TBC1D22A: variants seen among roughly 807,000 people sequenced by gnomAD.
TBC1D22A encodes putative GTPase activator.
TBC1D22A carries 38 observed loss-of-function variants against 60.2 expected under a neutral mutation model. The observed-to-expected ratio is 0.63, with a 90% CI of 0.49 to 0.83. TBC1D22A has a LOEUF of 0.83. TBC1D22A is among the 40% of genes least tolerant of loss of function. TBC1D22A has a pLI of 0.00. For synonymous variants in TBC1D22A, 302 were observed against 281.7 expected (o/e 1.07, Z -0.72); for missense variants, 628 against 701.0 (o/e 0.90, Z 1.18).
intron 12 of TBC1D22A, among the ~76,000 whole-genome samples, chr22:47,127,121 C>T (rs1210515704): frequency 1.3e-5 from 2 of 152,132 alleles, no homozygotes; most frequent in Non-Finnish European, 2.9e-5. Flanking sequence ...AACACTCTTT[C>T]TCTCTTTGCA....
chr22:47,147,914 G>A (rs1364415672), intron 12 of TBC1D22A, among the ~76,000 whole-genome samples: 2 of 152,204 alleles, frequency 1.3e-5, no homozygotes, highest in East Asian at 3.9e-4. Flanking sequence ...CTGAGGGCTT[G>A]GCATGAAGCT....
intron 12 of TBC1D22A, among the ~76,000 whole-genome samples, chr22:47,171,580 C>T (rs929521237): frequency 2.6e-5 from 4 of 152,206 alleles, no homozygotes; most frequent in African/African-American, 9.6e-5. Flanking sequence ...CTTCTGAGAA[C>T]CCCCACTGCA....
chr22:47,098,826 A>C (rs368927647), intron 11 of TBC1D22A, among the ~76,000 whole-genome samples: 1 of 152,212 alleles, frequency 6.6e-6, no homozygotes, highest in African/African-American at 2.4e-5. Flanking sequence ...CATTAGTCGC[A>C]CAGTGTCTCT....
chr22:46,897,298 G>A (rs1426972898), intron 7 of TBC1D22A, among the ~76,000 whole-genome samples: 1 of 152,122 alleles, frequency 6.6e-6, no homozygotes, highest in Non-Finnish European at 1.5e-5. Context: ...GTTTCCCATC[G>A]GTTACTTAGT....
chr22:47,005,055 C>T (rs1438097081), intron 10 of TBC1D22A, among the ~76,000 whole-genome samples: 1 of 151,826 alleles, frequency 6.6e-6, no homozygotes, highest in Non-Finnish European at 1.5e-5. Context: ...CCACCATATA[C>T]ACACACCTGC....
At chr22:46,882,904 T>C (rs181875532) in intron 5 of TBC1D22A, among the ~76,000 whole-genome samples, 5 of 152,338 alleles carry the variant, frequency 3.3e-5, no homozygotes, top group East Asian at 3.9e-4. Flanking sequence ...TTATTTTTAA[T>C]TGATGAGTGG....
chr22:47,156,764 C>T (rs762575708), intron 12 of TBC1D22A, among the ~76,000 whole-genome samples: 2 of 152,160 alleles, frequency 1.3e-5, no homozygotes, highest in Admixed American at 6.5e-5. Flanking sequence ...CACTTGCCTG[C>T]GTAGCCATCC....
In TBC1D22A at chr22:46,913,639, G is replaced by C. The variant is rs1000406165; in HGVS notation, c.1015+1451G>C. The C allele has an allele frequency of 8.1e-6, 8 of 985,258 alleles. No homozygotes were observed. The Admixed American group carries it at 3.7e-4, about 45-fold the overall frequency. The allele number at this position is 985,258 out of a possible 1,614,324, so 61.0% of individuals were successfully genotyped here. ...CCCTCATTTGACAGATAATGAAAAT[G>C]CTCTTAATGATCCTAGAACAGTAGG... On this transcript the variant is annotated intron_variant, in intron 8 of 12. Transcript: ENST00000337137.
At chr22:47,042,453 G>A (rs1603133864) in intron 11 of TBC1D22A, among the ~76,000 whole-genome samples, 1 of 152,122 alleles carries the variant, frequency 6.6e-6, no homozygotes, top group East Asian at 1.9e-4. Context: ...GAATATGAAT[G>A]AATGAGAATG....
intron 10 of TBC1D22A, among the ~76,000 whole-genome samples, chr22:47,007,109 C>T (rs979533448): frequency 7.2e-5 from 11 of 152,128 alleles, no homozygotes; most frequent in South Asian, 6.2e-4. Flanking sequence ...GACAAAAAGG[C>T]GCTATCAGAA....
intron 4 of TBC1D22A, among the ~76,000 whole-genome samples, chr22:46,867,732 C>T (rs2067123044): frequency 6.6e-6 from 1 of 152,190 alleles, no homozygotes. Context: ...GTGCGACAGG[C>T]TTACTGAAGG....
Position 46,965,643 on chromosome 22 carries a change from T to G in TBC1D22A, c.1016-8647T>G, listed in dbSNP as rs370950195. On this transcript the variant is annotated intron_variant, in intron 8 of 12. Coordinates refer to ENST00000337137, the MANE Select transcript of TBC1D22A (RefSeq NM_014346.5). ...CAGTTTTATTGGTGAGCTTGGTGAA[T>G]CTTACTGAATTTATTTAGTAACTAA... Among the ~76,000 whole-genome samples, 75 of 152,342 alleles carry G rather than the reference T, an allele frequency of 4.9e-4. No individual in the cohort carries two copies. The East Asian group carries it at 9.8e-3, about 20-fold the overall frequency.
At chr22:47,160,047 G>A (rs1200314363) in intron 12 of TBC1D22A, among the ~76,000 whole-genome samples, 1 of 152,106 alleles carries the variant, frequency 6.6e-6, no homozygotes, top group Admixed American at 6.5e-5. Flanking sequence ...CACACACACA[G>A]GACTTGCATA....
intron 12 of TBC1D22A, among the ~76,000 whole-genome samples, chr22:47,122,309 G>A (rs1333900851): frequency 6.6e-6 from 1 of 152,228 alleles, no homozygotes; most frequent in Non-Finnish European, 1.5e-5. Flanking sequence ...TTCCCGAACT[G>A]CCCTGTACTG....
chr22:47,045,455 G>C (rs2063001859), intron 11 of TBC1D22A, among the ~76,000 whole-genome samples: 1 of 152,210 alleles, frequency 6.6e-6, no homozygotes, highest in Non-Finnish European at 1.5e-5. Context: ...TGGGTGACCA[G>C]TCTGAATAAA....
chr22:46,794,500 A>G (rs2084565488), intron 3 of TBC1D22A, among the ~76,000 whole-genome samples: 1 of 152,134 alleles, frequency 6.6e-6, no homozygotes, highest in African/African-American at 2.4e-5. Flanking sequence ...CACGTCTGTG[A>G]TGGAAAAGCT....
chr22:46,799,997 T>C (rs1456051655), intron 4 of TBC1D22A, among the ~76,000 whole-genome samples: 2 of 152,078 alleles, frequency 1.3e-5, no homozygotes, highest in Non-Finnish European at 2.9e-5. Flanking sequence ...ATTTCTACAG[T>C]GTATTTCTTT....
intron 11 of TBC1D22A, among the ~76,000 whole-genome samples, chr22:47,097,610 C>CAA (rs376444943): frequency 3.6e-5 from 5 of 140,162 alleles, no homozygotes; most frequent in Non-Finnish European, 7.8e-5. Flanking sequence ...GAGTCCATCT[C>CAA]AAAAAAAAAA....
chr22:47,129,251 G>A (rs574869519), intron 12 of TBC1D22A, among the ~76,000 whole-genome samples: 9 of 152,334 alleles, frequency 5.9e-5, no homozygotes, highest in African/African-American at 1.7e-4. Flanking sequence ...GGCCAAGGCC[G>A]GCAGATCACG....
Sources: gnomAD v4.1 joint callset for allele counts (sites outside exome capture counted in the v4.1 genomes callset) on GRCh38, gnomAD v4.1.1 for gene constraint, MANE v1.5 for transcripts, NCBI Gene and HGNC (gene_info 2026-07-23, HGNC 2026-07-21) for gene names.